The following TRAPPC8 variants were observed in gnomAD, a reference collection of about 807,000 sequenced individuals.
TRAPPC8 encodes general sporulation gene 1 homolog.
In TRAPPC8, 54 loss-of-function variants were observed where a neutral mutation model predicts 174.3. The observed-to-expected ratio is 0.31, with a 90% CI of 0.25 to 0.39. The LOEUF is 0.39. TRAPPC8 is among the 10% of genes least tolerant of loss of function. The pLI is 1.00. For synonymous variants in TRAPPC8, 630 were observed against 579.9 expected (o/e 1.09, Z -1.24); for missense variants, 1,531 against 1,699.1 (o/e 0.90, Z 1.74).
chr18:31,907,955 G>GT (rs1381229730), intron 8 of TRAPPC8, among the ~76,000 whole-genome samples: 1 of 152,052 alleles, frequency 6.6e-6, no homozygotes, highest in African/African-American at 2.4e-5. Context: ...CCTTAAAATG[G>GT]TTTTTTGTGT....
Position 31,873,315 on chromosome 18 carries a change from G to A in TRAPPC8, c.2062+115C>T. ...TACAGGCATGAGCCAATCGTACCCGGCTGAGCTATTAATTTTCAAATATTC... is the reference window on the plus strand; with the variant it reads ...TACAGGCATGAGCCAATCGTACCCGACTGAGCTATTAATTTTCAAATATTC... On this transcript the variant is annotated intron_variant, in intron 14 of 28. Coordinates refer to ENST00000283351, the MANE Select transcript of TRAPPC8 (RefSeq NM_014939.5). 2 of 867,206 alleles carry A rather than the reference G, an allele frequency of 2.3e-6. 1 individual carries two copies. Among genetic ancestry groups the A allele is most frequent in the South Asian group, 3.6e-5 (2 of 56,274 alleles). 53.7% of individuals were successfully genotyped at this position (867,206 alleles called of 1,614,324 possible).
intron 2 of TRAPPC8, among the ~76,000 whole-genome samples, chr18:31,922,510 G>A (rs1384754043): frequency 1.3e-5 from 2 of 152,144 alleles, no homozygotes; most frequent in Non-Finnish European, 2.9e-5. Flanking sequence ...AAGATCGCTT[G>A]AACCCAGGAG....
chr18:31,902,831 C>T (rs982422885), intron 9 of TRAPPC8, among the ~76,000 whole-genome samples: 6 of 151,998 alleles, frequency 3.9e-5, no homozygotes, highest in South Asian at 4.2e-4. Flanking sequence ...GGGCGGATCA[C>T]GATGTCAGGA....
chr18:31,921,721 T>C (rs770764462), intron 2 of TRAPPC8, among the ~76,000 whole-genome samples: 1 of 152,172 alleles, frequency 6.6e-6, no homozygotes, highest in Non-Finnish European at 1.5e-5. Context: ...ATAATGTAGC[T>C]TTCTCATCTC....
intron 27 of TRAPPC8, among the ~76,000 whole-genome samples, chr18:31,834,524 C>T (rs1042994585): frequency 1.3e-5 from 2 of 152,188 alleles, no homozygotes; most frequent in Admixed American, 6.5e-5. Context: ...CCCACCACTG[C>T]ATCCAGTGAA....
intron 25 of TRAPPC8, among the ~76,000 whole-genome samples, chr18:31,847,905 G>C (rs964546528): frequency 6.6e-6 from 1 of 151,980 alleles, no homozygotes; most frequent in South Asian, 2.1e-4. Flanking sequence ...AGTTGTTTAG[G>C]AGTTGTATTA....
At chr18:31,845,781 T>TA (rs1598595992) in intron 26 of TRAPPC8, among the ~76,000 whole-genome samples, 2 of 151,554 alleles carry the variant, frequency 1.3e-5, no homozygotes, top group African/African-American at 2.4e-5. Context: ...CACGGTGAAA[T>TA]AAAAAAAATA....
intron 12 of TRAPPC8, among the ~76,000 whole-genome samples, chr18:31,879,887 A>G (rs1431387098): frequency 1.3e-5 from 2 of 151,332 alleles, no homozygotes; most frequent in Non-Finnish European, 3.0e-5. Context: ...AATTCCCAGA[A>G]TCATACAATC....
intron 9 of TRAPPC8, among the ~76,000 whole-genome samples, chr18:31,903,869 AC>A (rs1257422378): frequency 6.6e-6 from 1 of 151,810 alleles, no homozygotes; most frequent in Non-Finnish European, 1.5e-5. Context: ...AAAAAAAAAA[AC>A]AAACTCATTC....
chr18:31,897,782 G>A lies in TRAPPC8; in HGVS notation c.1596+4C>T, dbSNP rs1280472170. 6.3e-7 allele frequency: 1 copy of A among 1,579,880 alleles called. No individual in the cohort carries two copies. Among genetic ancestry groups the A allele is most frequent in the Non-Finnish European group, 8.6e-7 (1 of 1,160,672 alleles). On this transcript the variant is annotated splice_donor_region_variant and intron_variant, in intron 11 of 28. Transcript: ENST00000283351. ...TTAAAGCAAATACTACACAGTTTCA[G>A]TACCTCACTGGTCAACCGTATTAGG...
chr18:31,902,036 C>A (rs1282258454), intron 9 of TRAPPC8, among the ~76,000 whole-genome samples: 1 of 152,134 alleles, frequency 6.6e-6, no homozygotes, highest in Non-Finnish European at 1.5e-5. Flanking sequence ...CTGAACTGGC[C>A]GGGTGTGGTG....
Position 31,874,579 on chromosome 18 carries a change from A to G in TRAPPC8, c.1854T>C (p.Asp618=), listed in dbSNP as rs765255299. The change falls in exon 13 of 29, where the codon GAT becomes GAC. Residue 618 remains aspartate, a synonymous_variant. Transcript: ENST00000283351. The part of the protein sequence containing the change: ...GRQSYTLRQL[D]NAVSAFRHIL... Reference sequence around the variant, plus strand: ...TATGCCTAAAAGCAGACACAGCATTATCCAGCTGTCTAAGAGTATAGGACT... The same window carrying G: ...TATGCCTAAAAGCAGACACAGCATTGTCCAGCTGTCTAAGAGTATAGGACT... The G allele has an allele frequency of 6.2e-7, 1 of 1,614,174 alleles. No homozygotes were observed. The highest frequency in any genetic ancestry group is 1.1e-5 in the South Asian group (1 of 91,076).
At chr18:31,881,646 G>A (rs1307147931) in intron 12 of TRAPPC8, among the ~76,000 whole-genome samples, 1 of 151,916 alleles carries the variant, frequency 6.6e-6, no homozygotes, top group African/African-American at 2.4e-5. Flanking sequence ...ATTGACAACT[G>A]GTACCTAATT....
rs759917862 is a variant in TRAPPC8 at position 31,849,580 on chromosome 18, C to T, written c.3721G>A (p.Val1241Ile). ...QKCSEVDLNI[V>I]ILWKAYVVED... ...GTAGCACATACCTTCCATAATATGA[C>T]AATATTCAAATCTACCTCACTGCAT... The change falls in exon 25 of 29, where the codon GTC becomes ATC. Residue 1241 changes from valine (V) to isoleucine (I), a missense_variant. By Grantham distance (29) the Val-to-Ile change is conservative (BLOSUM62 3). Transcript: ENST00000283351. 6.2e-7 allele frequency: 1 copy of T among 1,607,008 alleles called. No individual in the cohort carries two copies. The highest frequency in any genetic ancestry group is 1.1e-5 in the South Asian group (1 of 89,500).
In TRAPPC8 at chr18:31,933,636, C is replaced by G. The variant is rs73954912; in HGVS notation, c.158-2113G>C. On this transcript the variant is annotated intron_variant, in intron 1 of 28. Coordinates refer to ENST00000283351, the MANE Select transcript of TRAPPC8 (RefSeq NM_014939.5). ...GTTATTATCACATACAAATAAGAGG[C>G]AACTTTGGGAAAGTGGTCTGGGTAC... is the stretch of plus-strand genomic sequence containing the variant. 4.7e-3 allele frequency among the ~76,000 whole-genome samples: 714 copies of G among 152,204 alleles called. 2 individuals carry two copies. Among genetic ancestry groups the G allele is most frequent in the African/African-American group, 0.017 (692 of 41,518 alleles).
At chr18:31,886,098 C>T (rs1219404958) in intron 12 of TRAPPC8, among the ~76,000 whole-genome samples, 20 of 150,894 alleles carry the variant, frequency 1.3e-4, no homozygotes, top group African/African-American at 2.2e-4. Context: ...CTCCACCTCC[C>T]GGGTTCAAGC....
At chr18:31,909,549 C>T in intron 6 of TRAPPC8, 118 bp downstream of exon 6, 1 of 1,432,278 alleles carries the variant, frequency 7.0e-7, no homozygotes, top group Non-Finnish European at 9.1e-7. Flanking sequence ...CTAACCTGCC[C>T]AATATCTTTC....
chr18:31,873,728 T>G, intron 13 of TRAPPC8, 190 bp from the exon 14 acceptor site: 2 of 461,074 alleles, frequency 4.3e-6, no homozygotes, highest in Non-Finnish European at 7.8e-6. Context: ...ATATTTATTC[T>G]GCCTCAAAAG....
At position 31,913,491 on chromosome 18, in the gene TRAPPC8, T is replaced by A; in HGVS notation, c.649A>T (p.Lys217Ter). The A allele has an allele frequency of 6.3e-7, 1 of 1,598,042 alleles. No individual in the cohort carries two copies. Among genetic ancestry groups the A allele is most frequent in the Non-Finnish European group, 8.5e-7 (1 of 1,176,182 alleles). ...AESIYEEMKQ[K>*]YGTQGCYLLK... is the part of the protein sequence containing the mutation. The stretch of plus-strand genomic sequence containing the variant: ...AAATAGCAACCCTGAGTTCCATATT[T>A]CTGTTTCATTTCTTCATAAATTGAT... Residue 217 changes from lysine (K) to a stop codon, truncating the protein, a stop_gained, in exon 5 of 29, where the codon AAA (lysine) becomes TAA (stop). Coordinates refer to ENST00000283351, the MANE Select transcript of TRAPPC8 (RefSeq NM_014939.5). LOFTEE classifies it high-confidence loss of function.
Sources: allele counts gnomAD v4.1 joint callset (sites outside exome capture counted in the v4.1 genomes callset), GRCh38; gene constraint gnomAD v4.1.1; transcripts MANE v1.5; gene names NCBI Gene and HGNC (gene_info 2026-07-23, HGNC 2026-07-21).